The following RERG variants were observed in gnomAD, a reference collection of about 807,000 sequenced individuals.
RERG encodes the protein ras-related and estrogen-regulated growth inhibitor.
Under a neutral mutation model 23.2 loss-of-function variants are expected in RERG, and 25 were observed. The observed-to-expected ratio is 1.08, with a 90% CI of 0.79 to 1.50. The LOEUF is 1.50. Among genes scored for constraint, RERG ranks in the 40% most tolerant of loss-of-function variants. The probability of loss-of-function intolerance (pLI) is 0.00; values close to 1 mark genes in which losing one functional copy is unlikely to be tolerated. For synonymous variants in RERG, 81 were observed against 89.1 expected (o/e 0.91, Z 0.51); for missense variants, 253 against 250.1 (o/e 1.01, Z -0.08).
At position 15,217,451 on chromosome 12, in the gene RERG, C is replaced by A; in HGVS notation, c.39G>T (p.Gly13=). Residue 13 remains glycine, a synonymous_variant, in exon 2 of 5, where the codon GGG becomes GGT. Coordinates refer to ENST00000256953, the MANE Select transcript of RERG (RefSeq NM_032918.3). ...TACCTGACTTGCCCACGCCTGCTCT[C>A]CCAAATATTGCCAGTTTGACCTCCG... ...KSAEVKLAIF[G]RAGVGKSALV... 3 of 1,613,640 alleles carry A rather than the reference C, an allele frequency of 1.9e-6. No individual in the cohort carries two copies. Among genetic ancestry groups the A allele is most frequent in the Non-Finnish European group, 2.5e-6 (3 of 1,179,604 alleles).
intron 2 of RERG, among the ~76,000 whole-genome samples, chr12:15,207,025 CA>C (rs1865301189): frequency 6.6e-6 from 1 of 152,062 alleles, no homozygotes; most frequent in African/African-American, 2.4e-5. Context: ...ATTTACTGAC[CA>C]CAGAAGTAAT....
At chr12:15,150,484 T>G (rs537540714) in intron 2 of RERG, among the ~76,000 whole-genome samples, 1 of 152,210 alleles carries the variant, frequency 6.6e-6, no homozygotes, top group Non-Finnish European at 1.5e-5. Flanking sequence ...AGGATTGTTA[T>G]GAGGAGTAAA....
At chr12:15,214,087 C>T (rs1339093952) in intron 2 of RERG, among the ~76,000 whole-genome samples, 1 of 148,074 alleles carries the variant, frequency 6.8e-6, no homozygotes, top group African/African-American at 2.5e-5. Flanking sequence ...TAGTGAAAAC[C>T]AAAATACTCA....
chr12:15,158,267 G>C (rs1864551777), intron 2 of RERG, among the ~76,000 whole-genome samples: 1 of 151,780 alleles, frequency 6.6e-6, no homozygotes, highest in Non-Finnish European at 1.5e-5. Context: ...AATTGGAACA[G>C]TTCCTCAGTT....
intron 3 of RERG, 119 bp from the exon 4 acceptor site, chr12:15,111,536 G>C (rs1863617340): frequency 1.4e-6 from 1 of 737,132 alleles, no homozygotes; most frequent in African/African-American, 1.8e-5. Flanking sequence ...ATAAGGAACT[G>C]TGTAGTCTAG....
At chr12:15,195,579 GTGT>G (rs1865133051) in intron 2 of RERG, among the ~76,000 whole-genome samples, 1 of 149,960 alleles carries the variant, frequency 6.7e-6, no homozygotes, top group Non-Finnish European at 1.5e-5. Flanking sequence ...GTGTGTGTGT[GTGT>G]GTGTGTGTGT....
At chr12:15,155,076 A>C (rs555527093) in intron 2 of RERG, 1 of 152,308 alleles carries the variant, frequency 6.6e-6, no homozygotes, top group African/African-American at 2.4e-5. Context: ...AGATATTCAG[A>C]CTGGAAAAAA....
intron 3 of RERG, among the ~76,000 whole-genome samples, chr12:15,115,863 T>C (rs1863710870): frequency 6.6e-6 from 1 of 152,222 alleles, no homozygotes; most frequent in African/African-American, 2.4e-5. Context: ...TGCCTTCTAC[T>C]TCCATCAGTA....
chr12:15,218,786 T>C (rs1225295401), intron 1 of RERG, among the ~76,000 whole-genome samples: 1 of 152,014 alleles, frequency 6.6e-6, no homozygotes, highest in Non-Finnish European at 1.5e-5. Context: ...TGTCCACTTG[T>C]TCTTCCCGGA....
At chr12:15,165,351 T>G (rs77091195) in intron 2 of RERG, among the ~76,000 whole-genome samples, 2 of 152,208 alleles carry the variant, frequency 1.3e-5, no homozygotes, top group African/African-American at 2.4e-5. Context: ...CTTTTTTTTT[T>G]AACTAAAATA....
chr12:15,206,551 T>C (rs1249247203), intron 2 of RERG, among the ~76,000 whole-genome samples: 2 of 152,120 alleles, frequency 1.3e-5, no homozygotes, highest in African/African-American at 4.8e-5. Flanking sequence ...ACTGAAGAAC[T>C]TGTTAGAAAT....
intron 2 of RERG, among the ~76,000 whole-genome samples, chr12:15,131,214 C>G (rs1488173717): frequency 6.6e-6 from 1 of 151,954 alleles, no homozygotes; most frequent in African/African-American, 2.4e-5. Flanking sequence ...ACTAATTTGG[C>G]TTTATCTTTT....
chr12:15,198,074 T>G (rs909092396), intron 2 of RERG, among the ~76,000 whole-genome samples: 1 of 152,154 alleles, frequency 6.6e-6, no homozygotes, highest in Non-Finnish European at 1.5e-5. Flanking sequence ...GCCTGGCCAC[T>G]CTACGCTTGA....
intron 2 of RERG, among the ~76,000 whole-genome samples, chr12:15,190,626 A>C (rs969224289): frequency 9.8e-5 from 15 of 152,304 alleles, no homozygotes; most frequent in African/African-American, 3.6e-4. Context: ...GTAGCTGAAA[A>C]CATAAATGAT....
chr12:15,161,901 G>A (rs1284688412), intron 2 of RERG, among the ~76,000 whole-genome samples: 1 of 152,054 alleles, frequency 6.6e-6, no homozygotes, highest in East Asian at 1.9e-4. Context: ...CATTTCACAG[G>A]TTTAAAAATT....
At chr12:15,213,122 C>T (rs1865391717) in intron 2 of RERG, among the ~76,000 whole-genome samples, 1 of 152,156 alleles carries the variant, frequency 6.6e-6, no homozygotes, top group Non-Finnish European at 1.5e-5. Context: ...TTAAGACTAG[C>T]CCTTTCAAGC....
intron 1 of RERG, among the ~76,000 whole-genome samples, chr12:15,220,808 G>T (rs1265746527): frequency 2.0e-5 from 3 of 152,074 alleles, no homozygotes; most frequent in Non-Finnish European, 4.4e-5. Flanking sequence ...TCATTACTAG[G>T]AATTCTTCCT....
At chr12:15,210,458 A>G (rs1865351395) in intron 2 of RERG, among the ~76,000 whole-genome samples, 1 of 152,256 alleles carries the variant, frequency 6.6e-6, no homozygotes, top group Admixed American at 6.5e-5. Flanking sequence ...GTTTTCCAGT[A>G]TTGTTTCCCC....
Position 15,217,481 on chromosome 12 carries a change from T to C in RERG, c.9A>G (p.Lys3=), listed in dbSNP as rs764496236. 1 of 1,612,660 alleles carries C rather than the reference T, an allele frequency of 6.2e-7. No individual in the cohort carries two copies. The highest frequency in any genetic ancestry group is 2.2e-5 in the East Asian group (1 of 44,858). The change falls in exon 2 of 5, where the codon AAA becomes AAG. Residue 3 remains lysine, a synonymous_variant. Transcript: ENST00000256953. The part of the protein sequence containing the change: MA[K]SAEVKLAIFG... ...ATATTGCCAGTTTGACCTCCGCACT[T>C]TTAGCCATGATGGGTGTTGGTAGAC...
Sources: gnomAD v4.1 joint callset for allele counts (sites outside exome capture counted in the v4.1 genomes callset) on GRCh38, gnomAD v4.1.1 for gene constraint, MANE v1.5 for transcripts, NCBI Gene and HGNC (gene_info 2026-07-23, HGNC 2026-07-21) for gene names.